The following WDR1 variants were observed in gnomAD, a reference collection of about 807,000 sequenced individuals.
The protein encoded by WDR1 is WD repeat domain 1.
A neutral mutation model predicts 71.9 loss-of-function variants in WDR1; 21 were observed. The ratio of observed to expected loss-of-function variants is 0.29; its 90% CI spans 0.21 to 0.42. WDR1 has a LOEUF of 0.42. Ranked by LOEUF, WDR1 falls within the 10% of genes least tolerant of loss-of-function variation. WDR1 has a pLI of 1.00. For synonymous variants in WDR1, 424 were observed against 347.4 expected (o/e 1.22, Z -2.45); for missense variants, 696 against 824.5 (o/e 0.84, Z 1.91).
rs749023770 is a variant in WDR1 at position 10,097,888 on chromosome 4, A to C, written c.381T>G (p.Phe127Leu). The change falls in exon 5 of 15, where the codon TTT (phenylalanine) becomes TTG (leucine). Residue 127 changes from phenylalanine (F) to leucine (L), a missense_variant. Physicochemically the swap from Phe to Leu is conservative, Grantham distance 22. Transcript: ENST00000499869. The part of the protein sequence containing the change: ...IAVVGEGREK[F>L]GAVFLWDSGS... The stretch of plus-strand genomic sequence containing the variant: ...CACTATCCCAGAGGAAGACTGCTCC[A>C]AACCTTGACCCAATGACACAGGTGG... The C allele has an allele frequency of 6.3e-7, 1 of 1,589,668 alleles. No homozygotes were observed. The highest frequency in any genetic ancestry group is 8.6e-7 in the Non-Finnish European group (1 of 1,166,240).
intron 2 of WDR1, among the ~76,000 whole-genome samples, chr4:10,111,822 T>C (rs1453512231): frequency 5.4e-5 from 7 of 129,780 alleles, no homozygotes; most frequent in Non-Finnish European, 9.7e-5. Flanking sequence ...GTCTGCCCCC[T>C]GTTCAAGGAG....
intron 5 of WDR1, 121 bp downstream of exon 5, chr4:10,097,590 C>A: frequency 8.2e-7 from 1 of 1,225,066 alleles, no homozygotes; most frequent in Non-Finnish European, 1.1e-6. Flanking sequence ...GAGCCCACTT[C>A]TGTGTATCAT....
At chr4:10,112,100 C>T (rs1713409620) in intron 2 of WDR1, among the ~76,000 whole-genome samples, 1 of 151,814 alleles carries the variant, frequency 6.6e-6, no homozygotes, top group African/African-American at 2.4e-5. Context: ...ACTGGCACTA[C>T]TGGCATTTTA....
intron 2 of WDR1, among the ~76,000 whole-genome samples, chr4:10,104,653 C>G (rs1171117315): frequency 6.6e-6 from 1 of 152,120 alleles, no homozygotes; most frequent in Non-Finnish European, 1.5e-5. Flanking sequence ...AAAGTAGATC[C>G]CTGCGCCTCC....
intron 2 of WDR1, among the ~76,000 whole-genome samples, chr4:10,112,544 G>C (rs1713449860): frequency 6.6e-6 from 1 of 152,172 alleles, no homozygotes; most frequent in Non-Finnish European, 1.5e-5. Context: ...TTTTCTACAA[G>C]TTTAAGAAGT....
chr4:10,116,612 C>A (rs892831251), intron 1 of WDR1, 39 bp downstream of exon 1: 2 of 1,200,192 alleles, frequency 1.7e-6, no homozygotes, highest in Non-Finnish European at 2.1e-6. Context: ...GCCGGGGCAG[C>A]GCGGCGGCCG....
At chr4:10,098,801 C>T (rs1712512971) in intron 4 of WDR1, among the ~76,000 whole-genome samples, 191 bp downstream of exon 4, 1 of 152,186 alleles carries the variant, frequency 6.6e-6, no homozygotes, top group Admixed American at 6.5e-5. Flanking sequence ...GGTGACAAAC[C>T]CAGTGTGATG....
Position 10,098,975 on chromosome 4 carries a change from TGA to T in WDR1, c.377+15_377+16del. 6.2e-7 allele frequency: 1 copy of T among 1,613,860 alleles called. No individual in the cohort carries two copies. Among genetic ancestry groups the T allele is most frequent in the Non-Finnish European group, 8.5e-7 (1 of 1,179,828 alleles). Reference sequence around the variant, plus strand: ...CCACAGCAACAGGGCAGGGAGGGGCTGAGAGGAGTGACTCACTTCTCCCTTCC... The same window carrying T: ...CCACAGCAACAGGGCAGGGAGGGGCTGAGGAGTGACTCACTTCTCCCTTCC... On this transcript the variant is annotated intron_variant, in intron 4 of 14. Transcript: ENST00000499869.
intron 2 of WDR1, among the ~76,000 whole-genome samples, chr4:10,113,927 T>G (rs771190307): frequency 6.6e-6 from 1 of 152,210 alleles, no homozygotes; most frequent in Non-Finnish European, 1.5e-5. Flanking sequence ...GAGATGTCAA[T>G]GAGACATGTT....
At chr4:10,077,673 G>A in intron 13 of WDR1, 80 bp downstream of exon 13, 1 of 1,475,818 alleles carries the variant, frequency 6.8e-7, no homozygotes, top group Non-Finnish European at 9.0e-7. Context: ...TCAGCTCAAG[G>A]TCACCAAGTC....
intron 3 of WDR1, among the ~76,000 whole-genome samples, chr4:10,101,885 A>T (rs1029793935): frequency 2.6e-5 from 4 of 152,278 alleles, no homozygotes; most frequent in African/African-American, 4.8e-5. Context: ...GGGGCTTTAA[A>T]TGAAGAGACT....
At chr4:10,092,490 C>T in intron 5 of WDR1, 1 of 153,588 alleles carries the variant, frequency 6.5e-6, no homozygotes, top group Non-Finnish European at 1.5e-5. Context: ...CGACGCCTCC[C>T]ACAGGCTCTG....
chr4:10,096,385 T>C (rs576150009), intron 5 of WDR1: 1 of 152,436 alleles, frequency 6.6e-6, no homozygotes, highest in South Asian at 2.1e-4. Flanking sequence ...CAGCCTTCAA[T>C]ACAGCTCCCA....
At chr4:10,097,485 G>C (rs1712414192) in intron 5 of WDR1, among the ~76,000 whole-genome samples, 1 of 152,216 alleles carries the variant, frequency 6.6e-6, no homozygotes, top group Admixed American at 6.5e-5. Context: ...CCTAGGGCAG[G>C]GCCCTTCCTT....
At chr4:10,088,583 T>A in intron 6 of WDR1, 81 bp downstream of exon 6, 1 of 1,310,344 alleles carries the variant, frequency 7.6e-7, no homozygotes, top group Non-Finnish European at 1.1e-6. Context: ...AGGACTAGCA[T>A]TAGGCAGCCT....
chr4:10,075,311 G>C lies in WDR1; in HGVS notation c.*67C>G. 1 of 1,445,788 alleles carries C rather than the reference G, an allele frequency of 6.9e-7. No homozygotes were observed. The highest frequency in any genetic ancestry group is 9.7e-7 in the Non-Finnish European group (1 of 1,033,402). The allele number at this position is 1,445,788 out of a possible 1,614,324, so 89.6% of individuals were successfully genotyped here. A position where few individuals can be genotyped will look rare whatever the true frequency, so the allele number is the denominator to read the frequency against. On this transcript the variant is annotated 3_prime_UTR_variant, in exon 15 of 15. Coordinates refer to ENST00000499869, the MANE Select transcript of WDR1 (RefSeq NM_017491.5). ...GGGCGCGTCACAGAAATAGAGAAATGACATGTTCCGCTGCAGTTAAACTCT... is the reference window on the plus strand; with the variant it reads ...GGGCGCGTCACAGAAATAGAGAAATCACATGTTCCGCTGCAGTTAAACTCT...
intron 11 of WDR1, among the ~76,000 whole-genome samples, chr4:10,080,510 C>G (rs1401574304): frequency 6.6e-6 from 1 of 152,220 alleles, no homozygotes; most frequent in Non-Finnish European, 1.5e-5. Context: ...ATCTAGGACA[C>G]AGAGAAATCC....
At chr4:10,084,794 G>T (rs1765148035) in intron 8 of WDR1, among the ~76,000 whole-genome samples, 1 of 152,146 alleles carries the variant, frequency 6.6e-6, no homozygotes, top group African/African-American at 2.4e-5. Flanking sequence ...CCCAGACCTG[G>T]GCCCAGACCT....
intron 2 of WDR1, among the ~76,000 whole-genome samples, chr4:10,112,059 C>T (rs1260156619): frequency 1.4e-5 from 2 of 146,606 alleles, no homozygotes; most frequent in East Asian, 2.0e-4. Flanking sequence ...GCAAAAGTTG[C>T]TTTTTTTTTT....
Sources: allele counts gnomAD v4.1 joint callset (sites outside exome capture counted in the v4.1 genomes callset), GRCh38; gene constraint gnomAD v4.1.1; transcripts MANE v1.5; gene names NCBI Gene and HGNC (gene_info 2026-07-23, HGNC 2026-07-21).